Variants in PLEC observed in about 807,000 individuals in gnomAD.
PLEC encodes the protein hemidesmosomal protein 1.
In PLEC, 216 loss-of-function variants were observed where a neutral mutation model predicts 392.8. The ratio of observed to expected loss-of-function variants is 0.55; its 90% CI spans 0.49 to 0.62. The LOEUF (loss-of-function observed/expected upper bound fraction) is 0.62, where lower values mean the gene tolerates loss of function less well. Ranked by LOEUF, PLEC falls within the 20% of genes least tolerant of loss-of-function variation. The pLI is 0.00. For synonymous variants in PLEC, 3,621 were observed against 2,980.6 expected, an observed-to-expected ratio of 1.21 and a Z score of -7.00; for missense variants, 6,863 against 6,563.4, an observed-to-expected ratio of 1.05 and a Z score of -1.58.
At chr8:143,937,652 C>A in intron 3 of PLEC, 3 of 495,070 alleles carry the variant, frequency 6.1e-6, no homozygotes, top group Admixed American at 2.3e-5. Flanking sequence ...AAGAGCCAGG[C>A]AGGGGTTGGC....
rs374991369 is a variant in PLEC at position 143,925,277 on chromosome 8, C to T, written c.4652G>A (p.Arg1551His). 442 of 1,577,072 alleles carry T rather than the reference C, an allele frequency of 2.8e-4. 2 individuals are homozygous for T. The highest frequency in any genetic ancestry group is 3.6e-4 in the Non-Finnish European group (419 of 1,170,642). ...TCGCTCCACCTCGGCCTGCCGCAGG[C>T]GCCGCTCCGCCTCCTCCGCCTGCAG... Reference protein sequence around the residue: ...LRLQAEEAERRLRQAEVERAR... With the variant: ...LRLQAEEAERHLRQAEVERAR... Residue 1551 changes from arginine (R) to histidine (H), a missense_variant, in exon 31 of 32, where the codon CGC becomes CAC. By Grantham distance (29) the Arg-to-His change is conservative. Coordinates refer to ENST00000345136, the MANE Select transcript of PLEC (RefSeq NM_201384.3).
upstream of PLEC, chr8:143,958,821 G>A (rs1273477161): frequency 2.1e-5 from 6 of 285,486 alleles, no homozygotes; most frequent in Non-Finnish European, 3.7e-5. The surrounding 1 kb of genome is among the most constrained non-coding windows in gnomAD (Gnocchi z 4.9). Flanking sequence ...CCCCTGGGGC[G>A]GCTGCCTCAC....
rs573437070 is a variant in PLEC, at chr8:143,915,860, G to A, written c.*317C>T. On this transcript the variant is annotated 3_prime_UTR_variant, in exon 32 of 32. Coordinates refer to ENST00000345136, the MANE Select transcript of PLEC (RefSeq NM_201384.3). ...CCCTGTGCAGCTAGGACTGGCAGGC[G>A]GGCTACCCTGGGAAGACAGGAGGGT... The A allele has an allele frequency of 8.1e-5, 19 of 233,390 alleles. No homozygotes were observed. The highest frequency in any genetic ancestry group is 4.1e-4 in the East Asian group (4 of 9,768). 14.5% of individuals were successfully genotyped at this position (233,390 alleles called of 1,614,324 possible).
chr8:143,973,279 C>T lies in PLEC; in HGVS notation c.70+124G>A, dbSNP rs1833524742. On this transcript the variant is annotated intron_variant, in intron 1 of 31. Transcript: ENST00000356346. This position sits in a 1 kb window ranked among gnomAD's most constrained non-coding sequence, Gnocchi z 5.6. ...TGGCAGCCGTTGGGGGCGATCCAGG[C>T]GGACGAGGCCGGCGGAGTGGCCGCG... The T allele has an allele frequency of 6.6e-6, 8 of 1,216,884 alleles. No individual in the cohort carries two copies. The highest frequency in any genetic ancestry group is 1.6e-5 in the African/African-American group (1 of 62,204). The allele number at this position is 1,216,884 out of a possible 1,614,324, so 75.4% of individuals were successfully genotyped here.
chr8:143,927,833 G>A, intron 26 of PLEC, 21 bp downstream of exon 26: 2 of 1,592,096 alleles, frequency 1.3e-6, no homozygotes, highest in Non-Finnish European at 8.5e-7. Context: ...CCGCCATGAA[G>A]CCCAAGCCTC....
chr8:143,964,385 T>C (rs1554741633), intron 1 of PLEC, among the ~76,000 whole-genome samples: 1 of 151,752 alleles, frequency 6.6e-6, no homozygotes, highest in African/African-American at 2.4e-5. Context: ...GTAGGGGGCC[T>C]AGAACCAATG....
Position 143,934,084 on chromosome 8 carries a change from A to G in PLEC, c.1177T>C (p.Cys393Arg), listed in dbSNP as rs1020755462. The G allele has an allele frequency of 1.2e-6, 2 of 1,610,784 alleles. No homozygotes were observed. Among genetic ancestry groups the G allele is most frequent in the Non-Finnish European group, 1.7e-6 (2 of 1,179,216 alleles). ...AGCTTGGTCACGATGCGCTGAAGAC[A>G]CTCCAGCCTGCAGCAGCAGCACAGG... ...QLRSEFERLE[C>R]LQRIVTKLQM... The change falls in exon 12 of 32, where the codon TGT (cysteine) becomes CGT (arginine). Residue 393 changes from cysteine (C) to arginine (R), a missense_variant. Coordinates refer to ENST00000345136, the MANE Select transcript of PLEC (RefSeq NM_201384.3).
chr8:143,964,983 C>T (rs1249043796), intron 1 of PLEC, among the ~76,000 whole-genome samples: 3 of 148,008 alleles, frequency 2.0e-5, no homozygotes, highest in Admixed American at 6.8e-5. Flanking sequence ...GCCCCACTCC[C>T]CCAACCAACC....
intron 1 of PLEC, chr8:143,945,321 C>A: frequency 2.5e-6 from 1 of 395,252 alleles, no homozygotes; most frequent in Admixed American, 3.6e-5. Context: ...TCTCCTGGGC[C>A]ACGGCAGGAG....
At chr8:143,953,983 C>CCA, upstream of PLEC, 1 of 1,256,822 alleles carries the variant, frequency 8.0e-7, no homozygotes, top group Non-Finnish European at 1.0e-6. Flanking sequence ...TCCCCCCCAG[C>CCA]CTGTGGTTCT....
At chr8:143,942,293 C>G (rs968055574), upstream of PLEC, 3 of 1,446,678 alleles carry the variant, frequency 2.1e-6, no homozygotes, top group Admixed American at 1.8e-5. Flanking sequence ...GCGCCACCCC[C>G]ATCCCAGCCC....
In PLEC at chr8:143,925,606, C is replaced by G. The variant is rs782706697; in HGVS notation, c.4323G>C (p.Glu1441Asp). 28 of 1,582,078 alleles carry G rather than the reference C, an allele frequency of 1.8e-5. No homozygotes were observed. In the African/African-American group the frequency reaches 2.9e-4, roughly 17 times the overall value. Residue 1441 changes from glutamate (E) to aspartate (D), a missense_variant, in exon 31 of 32, where the codon GAG becomes GAC. Transcript: ENST00000345136. Reference protein sequence around the residue: ...AEIQAKARQAEAAERSRLRIE... With the variant: ...AEIQAKARQADAAERSRLRIE... ...TGCGCAGCCGGCTGCGCTCAGCCGC[C>G]TCTGCCTGCCGGGCCTTGGCCTGGA... is the stretch of plus-strand genomic sequence containing the variant.
chr8:143,946,096 G>T (rs972856638), intron 1 of PLEC, among the ~76,000 whole-genome samples: 4 of 152,376 alleles, frequency 2.6e-5, no homozygotes, highest in Non-Finnish European at 5.9e-5. Context: ...GTGAGAACCA[G>T]CTCCTGGCGG....
intron 1 of PLEC, among the ~76,000 whole-genome samples, chr8:143,948,431 A>G (rs1564205484): frequency 6.6e-6 from 1 of 151,950 alleles, no homozygotes. Flanking sequence ...GGCCATCCGG[A>G]CCCCTGTCAC....
rs1833543149 is a variant in PLEC, at chr8:143,973,513, C to A, written c.-41G>T. On this transcript the variant is annotated 5_prime_UTR_variant, in exon 1 of 32. Transcript: ENST00000356346. The surrounding 1 kb of genome is among the most constrained non-coding windows in gnomAD (Gnocchi z 5.6). ...GCGCGGGGTGCAGCGGAGCCTCCAGCACCCGGCGGCCACTCTGTCCCCGCG... is the reference window on the plus strand; with the variant it reads ...GCGCGGGGTGCAGCGGAGCCTCCAGAACCCGGCGGCCACTCTGTCCCCGCG... 5 of 1,345,366 alleles carry A rather than the reference C, an allele frequency of 3.7e-6. No homozygotes were observed. Among genetic ancestry groups the A allele is most frequent in the African/African-American group, 3.1e-5 (2 of 64,608 alleles). 83.3% of individuals were successfully genotyped at this position (1,345,366 alleles called of 1,614,324 possible). A position where few individuals can be genotyped will look rare whatever the true frequency, so the allele number is the denominator to read the frequency against.
chr8:143,975,485 CT>C, upstream of PLEC: 1 of 900,414 alleles, frequency 1.1e-6, no homozygotes, highest in East Asian at 2.6e-5. The surrounding 1 kb of genome is among the most constrained non-coding windows in gnomAD (Gnocchi z 9.9). Context: ...CCCACCCAGC[CT>C]CTCGCCTGGA....
At chr8:143,952,027 G>A (rs561428021), upstream of PLEC, among the ~76,000 whole-genome samples, 38 of 152,322 alleles carry the variant, frequency 2.5e-4, no homozygotes, top group South Asian at 4.6e-3. Flanking sequence ...CGGCAAACCC[G>A]GGAACTGATT....
chr8:143,929,905 CAG>C (rs781977253), intron 22 of PLEC, 29 bp downstream of exon 22: 2 of 1,605,780 alleles, frequency 1.2e-6, no homozygotes, highest in South Asian at 1.1e-5. Context: ...TCCTCCCACC[CAG>C]AGAGCCCCCG....
Position 143,938,673 on chromosome 8 carries a change from C to T in PLEC, c.132G>A (p.Gln44=). ...EGKKDERDRV[Q]KKTFTKWVNK... is the part of the protein sequence containing the mutation. Reference sequence around the variant, plus strand: ...TGACCCACTTGGTGAAGGTTTTCTTCTGCACACGATCCCGCTCATCTGGGG... The same window carrying T: ...TGACCCACTTGGTGAAGGTTTTCTTTTGCACACGATCCCGCTCATCTGGGG... Residue 44 remains glutamine (Q), a synonymous_variant, in exon 2 of 32, where the codon CAG becomes CAA. Coordinates refer to ENST00000345136, the MANE Select transcript of PLEC (RefSeq NM_201384.3). The T allele has an allele frequency of 6.2e-7, 1 of 1,613,882 alleles. No homozygotes were observed. Among genetic ancestry groups the T allele is most frequent in the Non-Finnish European group, 8.5e-7 (1 of 1,179,978 alleles).
Sources: allele counts gnomAD v4.1 joint callset (sites outside exome capture counted in the v4.1 genomes callset), GRCh38; gene constraint gnomAD v4.1.1; non-coding constraint Gnocchi (gnomAD v3.1); transcripts MANE v1.5; gene names NCBI Gene and HGNC (gene_info 2026-07-23, HGNC 2026-07-21).